Variants in SLC35F2 observed in about 807,000 individuals in gnomAD.
The protein encoded by SLC35F2 is solute carrier family 35 member F2.
A neutral mutation model predicts 38.1 loss-of-function variants in SLC35F2; 25 were observed. The observed-to-expected ratio is 0.66, with a 90% CI of 0.48 to 0.92. The LOEUF is 0.92. Ranked by LOEUF, SLC35F2 falls within the 40% of genes least tolerant of loss-of-function variation. The pLI is 0.00. For missense variants in SLC35F2, 409 were observed against 452.9 expected, an observed-to-expected ratio of 0.90 and a Z score of 0.88; for synonymous variants, 173 against 181.7, an observed-to-expected ratio of 0.95 and a Z score of 0.38.
intron 1 of SLC35F2, chr11:107,840,541 A>C (rs747189235): frequency 6.6e-6 from 1 of 152,222 alleles, no homozygotes; most frequent in Non-Finnish European, 1.5e-5. Flanking sequence ...TCAACACTTG[A>C]GGGGTTTGTT....
intron 1 of SLC35F2, among the ~76,000 whole-genome samples, chr11:107,816,791 G>A (rs1294611848): frequency 1.3e-5 from 2 of 152,118 alleles, no homozygotes; most frequent in African/African-American, 2.4e-5. Context: ...TTAATTATGA[G>A]ACAGCCAAGA....
chr11:107,857,769 ACCC>A (rs1860316777), intron 1 of SLC35F2, among the ~76,000 whole-genome samples: 1 of 151,968 alleles, frequency 6.6e-6, no homozygotes, highest in Admixed American at 6.6e-5. Flanking sequence ...TGAACGCATC[ACCC>A]CTTAAAGATC....
At chr11:107,842,285 A>AAAAAAAAAAAAAAAAAAAC (rs1860025061) in intron 1 of SLC35F2, among the ~76,000 whole-genome samples, 1 of 144,088 alleles carries the variant, frequency 6.9e-6, no homozygotes, top group Non-Finnish European at 1.5e-5. Context: ...AAAAAAAAAA[A>AAAAAAAAAAAAAAAAAAAC]TTAAAGCTTG....
At chr11:107,851,207 G>A (rs1565442983) in intron 1 of SLC35F2, among the ~76,000 whole-genome samples, 1 of 151,614 alleles carries the variant, frequency 6.6e-6, no homozygotes, top group Non-Finnish European at 1.5e-5. Context: ...AGGTTGCAGT[G>A]AGCTGAGATC....
At chr11:107,800,854 G>A (rs904245845) in intron 7 of SLC35F2, among the ~76,000 whole-genome samples, 3 of 151,790 alleles carry the variant, frequency 2.0e-5, no homozygotes, top group African/African-American at 7.3e-5. Context: ...AAATCCTTGA[G>A]GGGACCTAAA....
At chr11:107,838,196 C>T (rs930763518) in intron 1 of SLC35F2, among the ~76,000 whole-genome samples, 1 of 152,186 alleles carries the variant, frequency 6.6e-6, no homozygotes, top group African/African-American at 2.4e-5. Context: ...ACCACTGTTA[C>T]ACTGCAAGTA....
At chr11:107,850,531 T>G (rs760807091) in intron 1 of SLC35F2, among the ~76,000 whole-genome samples, 12 of 151,950 alleles carry the variant, frequency 7.9e-5, no homozygotes, top group Middle Eastern at 3.2e-3. Flanking sequence ...CAACAAATAG[T>G]CAACTCAAGG....
chr11:107,825,974 C>T (rs974247652), intron 1 of SLC35F2, among the ~76,000 whole-genome samples: 1 of 152,016 alleles, frequency 6.6e-6, no homozygotes, highest in African/African-American at 2.4e-5. Flanking sequence ...AAGGAATCTA[C>T]CCCAAGGCAA....
intron 1 of SLC35F2, among the ~76,000 whole-genome samples, chr11:107,830,982 C>G (rs1226411961): frequency 6.6e-6 from 1 of 152,202 alleles, no homozygotes; most frequent in Non-Finnish European, 1.5e-5. Context: ...ATGTCTCACA[C>G]TGTATTCTAC....
chr11:107,845,036 G>A (rs187281811), intron 1 of SLC35F2, among the ~76,000 whole-genome samples: 15 of 150,884 alleles, frequency 9.9e-5, no homozygotes, highest in Admixed American at 4.6e-4. Flanking sequence ...CCAGAATAGT[G>A]TGGTTGCTCA....
At chr11:107,844,534 A>T (rs972599311) in intron 1 of SLC35F2, among the ~76,000 whole-genome samples, 1 of 151,110 alleles carries the variant, frequency 6.6e-6, no homozygotes, top group Non-Finnish European at 1.5e-5. Context: ...CGGAAGCAGA[A>T]TCGCTTGAAC....
At chr11:107,830,859 G>C (rs557315877) in intron 1 of SLC35F2, among the ~76,000 whole-genome samples, 29 of 152,262 alleles carry the variant, frequency 1.9e-4, no homozygotes, top group African/African-American at 6.0e-4. Context: ...TAACAAATGA[G>C]TATTGGGGAA....
chr11:107,827,099 T>A (rs190021288), intron 1 of SLC35F2, among the ~76,000 whole-genome samples: 4 of 152,188 alleles, frequency 2.6e-5, no homozygotes. Context: ...AAGATGAAGA[T>A]GTAAGATTGA....
At chr11:107,852,180 G>GGTGGAGCACCTCCCA (rs1860197947) in intron 1 of SLC35F2, among the ~76,000 whole-genome samples, 1 of 152,166 alleles carries the variant, frequency 6.6e-6, no homozygotes, top group South Asian at 2.1e-4. Flanking sequence ...CACTTTGGGA[G>GGTGGAGCACCTCCCA]GCCAAGGGAG....
In SLC35F2 at chr11:107,805,519, C is replaced by A. The variant is rs762756534; in HGVS notation, c.575-4G>T. The A allele has an allele frequency of 3.1e-6, 5 of 1,609,508 alleles. No individual in the cohort carries two copies. In the East Asian group the frequency reaches 8.9e-5, roughly 29 times the overall value. ...TCACCAATCAATACATCACTCCCTG[C>A]AGGAAGACAAGCCACAGAAAGCAAA... On this transcript the variant is annotated splice_polypyrimidine_tract_variant and splice_region_variant and intron_variant, in intron 4 of 7. Coordinates refer to ENST00000525815, the MANE Select transcript of SLC35F2 (RefSeq NM_017515.5).
chr11:107,851,972 G>A (rs1050268329), intron 1 of SLC35F2, among the ~76,000 whole-genome samples: 1 of 152,208 alleles, frequency 6.6e-6, no homozygotes, highest in Non-Finnish European at 1.5e-5. Flanking sequence ...GAGCTCAATA[G>A]ATGTCTGTTG....
chr11:107,820,698 G>A (rs1485959722), intron 1 of SLC35F2, among the ~76,000 whole-genome samples: 1 of 152,188 alleles, frequency 6.6e-6, no homozygotes, highest in African/African-American at 2.4e-5. Context: ...GCTCACGCCT[G>A]TAATCCCACC....
chr11:107,810,229 C>T, intron 3 of SLC35F2: 1 of 985,342 alleles, frequency 1.0e-6, no homozygotes, highest in Non-Finnish European at 1.2e-6. Context: ...AAGTGCATGA[C>T]TTTTGGCAAC....
chr11:107,858,727 GGCTCTGGGGCGCCGGGGCCC>G lies in SLC35F2; in HGVS notation c.21_40del (p.Gly8ProfsTer84). 1 of 1,292,790 alleles carries G rather than the reference GGCTCTGGGGCGCCGGGGCCC, an allele frequency of 7.7e-7. No individual in the cohort carries two copies. Among genetic ancestry groups the G allele is most frequent in the East Asian group, 2.9e-5 (1 of 34,824 alleles). 80.1% of individuals were successfully genotyped at this position (1,292,790 alleles called of 1,614,324 possible). ...CTCGGCCGCCGCTCCCTCCGCGAGG[GGCTCTGGGGCGCCGGGGCCC>G]GCTGGCGAGTCTGCCTCCATCGGCG... On this transcript the variant is annotated frameshift_variant, in exon 1 of 8. Coordinates refer to ENST00000525815, the MANE Select transcript of SLC35F2 (RefSeq NM_017515.5). LOFTEE classifies it high-confidence loss of function.
Sources: allele counts gnomAD v4.1 joint callset (sites outside exome capture counted in the v4.1 genomes callset), GRCh38; gene constraint gnomAD v4.1.1; transcripts MANE v1.5; gene names NCBI Gene and HGNC (gene_info 2026-07-23, HGNC 2026-07-21).